The following USP15 variants were observed in gnomAD, a reference collection of about 807,000 sequenced individuals.
USP15 encodes ubiquitin specific peptidase 15.
USP15 carries 18 observed loss-of-function variants against 127.1 expected under a neutral mutation model. That is an observed-to-expected ratio of 0.14 (90% CI 0.10 to 0.21). The LOEUF is 0.21. Ranked by LOEUF, USP15 falls within the 10% of genes least tolerant of loss-of-function variation. The probability of loss-of-function intolerance (pLI) is 1.00; values close to 1 mark genes in which losing one functional copy is unlikely to be tolerated. For synonymous variants in USP15, 364 were observed against 393.7 expected (o/e 0.92, Z 0.89); for missense variants, 805 against 1,159.9 (o/e 0.69, Z 4.44).
intron 1 of USP15, among the ~76,000 whole-genome samples, chr12:62,286,794 A>G (rs538406203): frequency 6.6e-6 from 1 of 152,038 alleles, no homozygotes; most frequent in Admixed American, 6.6e-5. Context: ...AAAATTAGCC[A>G]GGCGAGGTGG....
At chr12:62,266,696 G>A (rs779138230) in intron 1 of USP15, among the ~76,000 whole-genome samples, 15 of 151,982 alleles carry the variant, frequency 9.9e-5, no homozygotes, top group Non-Finnish European at 5.9e-5. Flanking sequence ...TTGATTATGT[G>A]CATTACGAGA....
Position 62,412,918 on chromosome 12 carries a change from A to C in USP15, c.*8543A>C, listed in dbSNP as rs930987448. 2 of 152,234 alleles carry C rather than the reference A, an allele frequency of 1.3e-5. No individual in the cohort carries two copies. Among genetic ancestry groups the C allele is most frequent in the Non-Finnish European group, 2.9e-5 (2 of 68,040 alleles). 9.4% of individuals were successfully genotyped at this position (152,234 alleles called of 1,614,324 possible). ...GCATCCAGAATAGCAAATCCTTTTC[A>C]GAAGGTTTTTATTTTGCCCAGATCC... is the stretch of plus-strand genomic sequence containing the variant. On this transcript the variant is annotated 3_prime_UTR_variant, in exon 22 of 22. Coordinates refer to ENST00000280377, the MANE Select transcript of USP15 (RefSeq NM_001252078.2).
intron 16 of USP15, 54 bp from the exon 17 acceptor site, chr12:62,391,762 C>T: frequency 7.2e-7 from 1 of 1,392,214 alleles, no homozygotes; most frequent in Non-Finnish European, 9.8e-7. Context: ...TTAAAATATA[C>T]TTTAATACTA....
At chr12:62,298,534 C>T (rs1249775620) in intron 2 of USP15, among the ~76,000 whole-genome samples, 6 of 151,924 alleles carry the variant, frequency 3.9e-5, no homozygotes, top group South Asian at 2.1e-4. Context: ...GGTGTGGTGG[C>T]GCGCACTTGT....
At chr12:62,322,534 G>C (rs1338145666) in intron 5 of USP15, among the ~76,000 whole-genome samples, 1 of 152,042 alleles carries the variant, frequency 6.6e-6, no homozygotes, top group Non-Finnish European at 1.5e-5. Flanking sequence ...AGTAATCTCT[G>C]TGCTCCATTC....
intron 1 of USP15, among the ~76,000 whole-genome samples, chr12:62,268,975 A>G (rs148336479): frequency 6.6e-6 from 1 of 151,546 alleles, no homozygotes; most frequent in African/African-American, 2.4e-5. Context: ...CCTATTCTGG[A>G]TATTTTATAT....
At chr12:62,306,786 A>T (rs953549290) in intron 3 of USP15, among the ~76,000 whole-genome samples, 3 of 152,162 alleles carry the variant, frequency 2.0e-5, no homozygotes, top group Admixed American at 2.0e-4. Context: ...AACTCAGAGT[A>T]TTCTCAGAAA....
In USP15 at chr12:62,337,854, G is replaced by A. The variant is rs957610677; in HGVS notation, c.684-11367G>A. 3.3e-5 allele frequency among the ~76,000 whole-genome samples: 5 copies of A among 152,158 alleles called. No homozygotes were observed. The South Asian group carries it at 1.0e-3, about 32-fold the overall frequency. ...GCATAGTATTCCATGGTGTATATGT[G>A]CCACATTTTCTTTATCCAGTCTATC... On this transcript the variant is annotated intron_variant, in intron 6 of 21. Transcript: ENST00000280377.
intron 14 of USP15, 106 bp from the exon 15 acceptor site, chr12:62,390,758 C>T (rs947723083): frequency 1.3e-5 from 8 of 605,414 alleles, no homozygotes; most frequent in Non-Finnish European, 2.2e-5. Context: ...ACTAAGTGAC[C>T]ACTGTTACTG....
chr12:62,287,199 G>GA (rs1278381051), intron 1 of USP15, among the ~76,000 whole-genome samples: 6 of 151,882 alleles, frequency 4.0e-5, no homozygotes, highest in African/African-American at 1.2e-4. Context: ...GTAGCGGTTG[G>GA]AAAAAAACCT....
intron 1 of USP15, among the ~76,000 whole-genome samples, chr12:62,283,101 C>G (rs553986348): frequency 1.5e-4 from 23 of 152,264 alleles, no homozygotes; most frequent in Admixed American, 3.3e-4. Context: ...AGAGTCTACC[C>G]TCCCAAATGA....
At chr12:62,267,946 T>C (rs2063237986) in intron 1 of USP15, among the ~76,000 whole-genome samples, 1 of 152,066 alleles carries the variant, frequency 6.6e-6, no homozygotes, top group South Asian at 2.1e-4. Context: ...AGATTTGCCT[T>C]TGATAAAAAG....
At chr12:62,278,596 C>T (rs2063559357) in intron 1 of USP15, 1 of 152,050 alleles carries the variant, frequency 6.6e-6, no homozygotes, top group Non-Finnish European at 1.5e-5. Context: ...GGACCACCAT[C>T]ATATATGTAG....
intron 1 of USP15, among the ~76,000 whole-genome samples, chr12:62,289,968 A>G (rs1330251655): frequency 6.6e-6 from 1 of 152,084 alleles, no homozygotes; most frequent in East Asian, 1.9e-4. Flanking sequence ...CTGTGGTTTA[A>G]GAAGATACTT....
At chr12:62,316,724 A>G (rs1178590698) in intron 4 of USP15, among the ~76,000 whole-genome samples, 1 of 152,112 alleles carries the variant, frequency 6.6e-6, no homozygotes, top group Non-Finnish European at 1.5e-5. Flanking sequence ...GAACATTATT[A>G]TACTAGGTAT....
intron 21 of USP15, among the ~76,000 whole-genome samples, chr12:62,402,444 G>T (rs1283117286): frequency 2.0e-5 from 3 of 152,030 alleles, no homozygotes; most frequent in Admixed American, 6.6e-5. Flanking sequence ...TCTCAACTCA[G>T]ATTTGGGGTT....
chr12:62,377,727 CA>C (rs1029355233), intron 8 of USP15, among the ~76,000 whole-genome samples: 85 of 133,112 alleles, frequency 6.4e-4, no homozygotes, highest in Middle Eastern at 3.8e-3. Flanking sequence ...ATTCCATCTC[CA>C]AAAAAAAAAA....
chr12:62,400,149 C>T (rs1160935051), intron 20 of USP15, among the ~76,000 whole-genome samples: 1 of 152,092 alleles, frequency 6.6e-6, no homozygotes, highest in Non-Finnish European at 1.5e-5. Context: ...TTTATTTCTT[C>T]AGTTATTGAG....
chr12:62,277,322 A>G (rs1264246152), intron 1 of USP15, among the ~76,000 whole-genome samples: 1 of 152,174 alleles, frequency 6.6e-6, no homozygotes, highest in African/African-American at 2.4e-5. Context: ...TCTTTAAAAC[A>G]TGTCACTGAC....
Sources: gnomAD v4.1 joint callset for allele counts (sites outside exome capture counted in the v4.1 genomes callset) on GRCh38, gnomAD v4.1.1 for gene constraint, MANE v1.5 for transcripts, NCBI Gene and HGNC (gene_info 2026-07-23, HGNC 2026-07-21) for gene names.